The following NECAB2 variants were observed in gnomAD, a reference collection of about 807,000 sequenced individuals.
NECAB2 encodes the protein N-terminal EF-hand calcium binding protein 2.
NECAB2 carries 68 observed loss-of-function variants against 51.9 expected under a neutral mutation model. The ratio of observed to expected loss-of-function variants is 1.31; its 90% confidence interval spans 1.08 to 1.60. The LOEUF (loss-of-function observed/expected upper bound fraction) is 1.60. Among genes scored for constraint, NECAB2 ranks in the 40% most tolerant of loss-of-function variants. NECAB2 has a pLI of 0.00. For missense variants in NECAB2, 854 were observed against 490.3 expected, an observed-to-expected ratio of 1.74 and a Z score of -7.00; for synonymous variants, 329 against 203.5, an observed-to-expected ratio of 1.62 and a Z score of -5.25.
intron 6 of NECAB2, among the ~76,000 whole-genome samples, chr16:83,992,672 G>A (rs1017621340): frequency 6.6e-6 from 1 of 152,166 alleles, no homozygotes; most frequent in African/African-American, 2.4e-5. Context: ...CTGAGACACT[G>A]TTTCCCAAAT....
chr16:83,978,638 C>G, intron 3 of NECAB2, 86 bp downstream of exon 3: 4 of 1,172,806 alleles, frequency 3.4e-6, no homozygotes, highest in Non-Finnish European at 5.0e-6. Flanking sequence ...TTCCTAGTCC[C>G]CTGTAAGGGG....
In NECAB2 at chr16:84,002,659, C is replaced by T. The variant is rs1391326340; in HGVS notation, c.*313C>T. ...GGCCACGCATGACCCACACTGACCA[C>T]ACCCTGCCCTCTTCGGTGACATTCT... On this transcript the variant is annotated 3_prime_UTR_variant, in exon 13 of 13. Coordinates refer to ENST00000305202, the MANE Select transcript of NECAB2 (RefSeq NM_019065.3). 1.9e-5 allele frequency: 9 copies of T among 467,426 alleles called. No homozygotes were observed. The highest frequency in any genetic ancestry group is 1.3e-4 in the South Asian group (5 of 37,572). 29.0% of individuals were successfully genotyped at this position (467,426 alleles called of 1,614,324 possible).
At chr16:83,980,797 C>CTCTCTG (rs1265097507) in intron 3 of NECAB2, 42 bp from the exon 4 acceptor site, 1 of 1,556,112 alleles carries the variant, frequency 6.4e-7, no homozygotes, top group African/African-American at 1.4e-5. Flanking sequence ...TGCTAACCCC[C>CTCTCTG]TCTCTGTCTC....
At position 84,000,643 on chromosome 16, in the gene NECAB2, C is replaced by T. The variant is rs956213757; in HGVS notation, c.963-81C>T. On this transcript the variant is annotated intron_variant, in intron 10 of 12. Coordinates refer to ENST00000305202, the MANE Select transcript of NECAB2 (RefSeq NM_019065.3). The stretch of plus-strand genomic sequence containing the variant: ...GCAGCCGTTGTGTATAGTGGTGGGT[C>T]TCAGGCCACCCCAGGGGAACAGCAC... 9 of 1,246,168 alleles carry T rather than the reference C, an allele frequency of 7.2e-6. No individual in the cohort carries two copies. In the Admixed American group the frequency reaches 1.4e-4, roughly 20 times the overall value. The allele number at this position is 1,246,168 out of a possible 1,614,324, so 77.2% of individuals were successfully genotyped here.
intron 10 of NECAB2, among the ~76,000 whole-genome samples, chr16:83,998,636 G>C (rs2084756715): frequency 6.6e-6 from 1 of 152,164 alleles, no homozygotes; most frequent in Non-Finnish European, 1.5e-5. Flanking sequence ...GCTCCAGCTG[G>C]GCCTGGTGTG....
At chr16:83,981,711 G>A (rs2084492000) in intron 5 of NECAB2, among the ~76,000 whole-genome samples, 1 of 152,116 alleles carries the variant, frequency 6.6e-6, no homozygotes, top group South Asian at 2.1e-4. Flanking sequence ...CTGGCAATAG[G>A]CATGGGAGTG....
chr16:83,981,635 C>G (rs548984566), intron 5 of NECAB2, among the ~76,000 whole-genome samples: 1 of 152,230 alleles, frequency 6.6e-6, no homozygotes, highest in African/African-American at 2.4e-5. Flanking sequence ...AAGGTGAACT[C>G]AACAGAGTCA....
rs571579932 is a variant in NECAB2 at position 83,994,162 on chromosome 16, C to G, written c.597-140C>G. Reference sequence around the variant, plus strand: ...TTAAGAACCTCATTTCCTCCTCTGTCAAAACAAAGGCCATGATGCAAGTTC... The same window carrying G: ...TTAAGAACCTCATTTCCTCCTCTGTGAAAACAAAGGCCATGATGCAAGTTC... On this transcript the variant is annotated intron_variant, in intron 6 of 12. Coordinates refer to ENST00000305202, the MANE Select transcript of NECAB2 (RefSeq NM_019065.3). The G allele has an allele frequency of 8.1e-5, 62 of 766,766 alleles. No individual in the cohort carries two copies. The South Asian group carries it at 9.3e-4, about 11-fold the overall frequency. The allele number at this position is 766,766 out of a possible 1,614,324, so 47.5% of individuals were successfully genotyped here. A position where few individuals can be genotyped will look rare whatever the true frequency, so the allele number is the denominator to read the frequency against.
intron 5 of NECAB2, among the ~76,000 whole-genome samples, chr16:83,988,163 T>C (rs540576530): frequency 6.6e-6 from 1 of 152,370 alleles, no homozygotes; most frequent in African/African-American, 2.4e-5. Flanking sequence ...ATCTGGGACT[T>C]TGTCTTTATA....
At chr16:83,998,797 C>T (rs1226568687) in intron 10 of NECAB2, among the ~76,000 whole-genome samples, 3 of 133,124 alleles carry the variant, frequency 2.3e-5, no homozygotes, top group South Asian at 4.3e-4. Context: ...CATGTAGTTG[C>T]CCTTCTCCCC....
rs774451343 is a variant in NECAB2, at chr16:83,997,266, C to A, written c.846C>A (p.Asn282Lys). 1 of 1,614,036 alleles carries A rather than the reference C, an allele frequency of 6.2e-7. No homozygotes were observed. Among genetic ancestry groups the A allele is most frequent in the Non-Finnish European group, 8.5e-7 (1 of 1,180,028 alleles). Residue 282 changes from asparagine to lysine, a missense_variant, in exon 9 of 13, where the codon AAC (asparagine) becomes AAA (lysine). Physicochemically the swap from Asn to Lys is moderately conservative, Grantham distance 94 (BLOSUM62 0). Coordinates refer to ENST00000305202, the MANE Select transcript of NECAB2 (RefSeq NM_019065.3). Reference sequence around the variant, plus strand: ...GCCTGTCAGATGAAGATGGCACCAACATGGTGAGGCCCCTTCCCACCTCTC... The same window carrying A: ...GCCTGTCAGATGAAGATGGCACCAAAATGGTGAGGCCCCTTCCCACCTCTC... The part of the protein sequence containing the change: ...QQRLSDEDGT[N>K]MHLQLVRQEM...
chr16:83,970,638 C>T (rs1176719910), intron 1 of NECAB2, among the ~76,000 whole-genome samples: 1 of 152,152 alleles, frequency 6.6e-6, no homozygotes, highest in East Asian at 1.9e-4. Flanking sequence ...GTATTACCTC[C>T]TCCTCCTCCA....
intron 5 of NECAB2, among the ~76,000 whole-genome samples, chr16:83,986,562 G>C (rs980742400): frequency 6.6e-6 from 1 of 152,174 alleles, no homozygotes; most frequent in South Asian, 2.1e-4. Context: ...GCCCAGGCTG[G>C]AGTACAGTGG....
At chr16:83,991,366 TTC>T (rs199902164) in intron 6 of NECAB2, among the ~76,000 whole-genome samples, 8,386 of 118,516 alleles carry the variant, frequency 0.071, 398 homozygotes, top group African/African-American at 0.18. Context: ...TTCTTTTCTT[TTC>T]TTTTTTTTTT....
chr16:83,997,875 CCAT>C lies in NECAB2; in HGVS notation c.850-327_850-325del, dbSNP rs201965008. 5.7e-3 allele frequency among the ~76,000 whole-genome samples: 866 copies of C among 152,250 alleles called. 10 individuals are homozygous for C. The highest frequency in any genetic ancestry group is 0.02 in the African/African-American group (830 of 41,550). ...AGACAGTGATGTGAAAATGCTGAGT[CCAT>C]CAACTATGAGTTTTTCTTGTCAGTG... On this transcript the variant is annotated intron_variant, in intron 9 of 12. Transcript: ENST00000305202.
intron 5 of NECAB2, among the ~76,000 whole-genome samples, chr16:83,983,996 G>GTT (rs552020138): frequency 7.4e-4 from 93 of 125,280 alleles, no homozygotes; most frequent in Non-Finnish European, 9.0e-4. Flanking sequence ...ATATATGGTG[G>GTT]TTTTTTTTTT....
chr16:83,976,808 C>T (rs1313583860), intron 2 of NECAB2, among the ~76,000 whole-genome samples: 1 of 152,180 alleles, frequency 6.6e-6, no homozygotes, highest in Non-Finnish European at 1.5e-5. Context: ...AAAGTGGTGG[C>T]ATGAAACCTT....
intron 6 of NECAB2, among the ~76,000 whole-genome samples, chr16:83,991,195 C>A (rs1426612501): frequency 1.3e-5 from 2 of 151,892 alleles, no homozygotes; most frequent in African/African-American, 4.8e-5. Flanking sequence ...GTTGGCCAGG[C>A]TGGTCTTGAA....
At position 83,982,861 on chromosome 16, in the gene NECAB2, C is replaced by G. The variant is rs138423306; in HGVS notation, c.459+1734C>G. ...TTGGCATTTCCTTTTTTTTTGTTTTCTTTTTCTTTTTCTTTTTCTTTTTTT... is the reference window on the plus strand; with the variant it reads ...TTGGCATTTCCTTTTTTTTTGTTTTGTTTTTCTTTTTCTTTTTCTTTTTTT... On this transcript the variant is annotated intron_variant, in intron 5 of 12. Transcript: ENST00000305202. Among the ~76,000 whole-genome samples, 1,371 of 150,700 alleles carry G rather than the reference C, an allele frequency of 9.1e-3. 19 individuals carry two copies. Among genetic ancestry groups the G allele is most frequent in the African/African-American group, 0.032 (1,326 of 41,028 alleles).
Sources: allele counts gnomAD v4.1 joint callset (sites outside exome capture counted in the v4.1 genomes callset), GRCh38; gene constraint gnomAD v4.1.1; transcripts MANE v1.5; gene names NCBI Gene and HGNC (gene_info 2026-07-23, HGNC 2026-07-21).